The following BMERB1 variants were observed in gnomAD, a reference collection of about 807,000 sequenced individuals.
The protein encoded by BMERB1 is bMERB domain-containing protein 1.
BMERB1 carries 12 observed loss-of-function variants against 23.6 expected under a neutral mutation model. The observed-to-expected ratio is 0.51, with a 90% confidence interval of 0.33 to 0.82. The LOEUF (loss-of-function observed/expected upper bound fraction) is 0.82. BMERB1 is among the 40% of genes least tolerant of loss of function. The pLI, the probability that BMERB1 is intolerant of heterozygous loss-of-function variation, is 0.03. For synonymous variants in BMERB1, 122 were observed against 96.6 expected (o/e 1.26, Z -1.54); for missense variants, 247 against 255.4 (o/e 0.97, Z 0.22).
intron 1 of BMERB1, among the ~76,000 whole-genome samples, chr16:15,464,530 A>G (rs529723333): frequency 1.3e-5 from 2 of 152,250 alleles, no homozygotes; most frequent in Non-Finnish European, 2.9e-5. Context: ...CTGCTGGTTG[A>G]CAATTCTTGT....
At chr16:15,530,929 C>T (rs1439599011) in intron 2 of BMERB1, among the ~76,000 whole-genome samples, 4 of 120,118 alleles carry the variant, frequency 3.3e-5, no homozygotes, top group Admixed American at 2.0e-4. Context: ...TTTTTTGAGA[C>T]GGAGTCTCGC....
intron 5 of BMERB1, among the ~76,000 whole-genome samples, chr16:15,586,248 A>G (rs2031136369): frequency 6.6e-6 from 1 of 152,332 alleles, no homozygotes; most frequent in South Asian, 2.1e-4. Context: ...AGAAGGTCCA[A>G]CTTACATGTG....
intron 2 of BMERB1, among the ~76,000 whole-genome samples, chr16:15,517,498 G>C (rs1218927177): frequency 6.6e-6 from 1 of 151,806 alleles, no homozygotes; most frequent in East Asian, 1.9e-4. Context: ...GCAACAGAGA[G>C]AAACTATCCC....
intron 1 of BMERB1, among the ~76,000 whole-genome samples, chr16:15,512,489 A>G (rs1356911269): frequency 2.6e-5 from 4 of 152,318 alleles, no homozygotes; most frequent in African/African-American, 9.6e-5. Context: ...ACCTGTAAGT[A>G]ATCCCAGCAT....
intron 1 of BMERB1, among the ~76,000 whole-genome samples, chr16:15,463,027 A>G (rs1275897854): frequency 6.6e-6 from 1 of 152,136 alleles, no homozygotes; most frequent in African/African-American, 2.4e-5. Flanking sequence ...TTCCATTTAT[A>G]TAAAGTGCAG....
At position 15,480,810 on chromosome 16, in the gene BMERB1, C is replaced by T. The variant is rs374598134; in HGVS notation, c.107-34495C>T. On this transcript the variant is annotated intron_variant, in intron 1 of 5. Coordinates refer to ENST00000300006, the MANE Select transcript of BMERB1 (RefSeq NM_033201.3). ...TCTATTTTTGGTAGAGATGGGTTTT[C>T]ACCATGTTGGCCAGGATGGTTTCGA... Among the ~76,000 whole-genome samples the T allele has an allele frequency of 3.3e-5, 5 of 151,860 alleles. 1 individual carries two copies. Among genetic ancestry groups the T allele is most frequent in the East Asian group, 3.9e-4 (2 of 5,132 alleles).
chr16:15,482,412 A>T (rs985060483), intron 1 of BMERB1, among the ~76,000 whole-genome samples: 6 of 152,118 alleles, frequency 3.9e-5, no homozygotes, highest in African/African-American at 1.4e-4. Flanking sequence ...AAGTGAGAAA[A>T]CATCCTAGTG....
At chr16:15,448,449 A>G (rs2051010426) in intron 1 of BMERB1, among the ~76,000 whole-genome samples, 1 of 152,154 alleles carries the variant, frequency 6.6e-6, no homozygotes, top group Non-Finnish European at 1.5e-5. Flanking sequence ...AGTGCTCTCA[A>G]TGTGATAGGC....
At chr16:15,534,828 C>T (rs947297848) in intron 2 of BMERB1, among the ~76,000 whole-genome samples, 3 of 152,142 alleles carry the variant, frequency 2.0e-5, no homozygotes, top group Non-Finnish European at 4.4e-5. Flanking sequence ...TTGCCCTCTT[C>T]TAAGAAGCCA....
intron 2 of BMERB1, among the ~76,000 whole-genome samples, chr16:15,541,715 C>G (rs2052083541): frequency 6.6e-6 from 1 of 150,698 alleles, no homozygotes; most frequent in African/African-American, 2.4e-5. Context: ...CATTCTCCTG[C>G]CTCAGCCTCC....
Position 15,551,722 on chromosome 16 carries a change from A to C in BMERB1, c.231-16261A>C, listed in dbSNP as rs116882382. Among the ~76,000 whole-genome samples, 3 of 152,294 alleles carry C rather than the reference A, an allele frequency of 2.0e-5. No individual in the cohort carries two copies. In the South Asian group the frequency reaches 6.2e-4, roughly 32 times the overall value. ...GACTGGGTCATTTATAAAGGAAAGA[A>C]GTTTAATTGACTCACAGTTCTGCAT... On this transcript the variant is annotated intron_variant, in intron 2 of 5. Transcript: ENST00000300006.
At chr16:15,555,155 G>A (rs765392162) in intron 2 of BMERB1, among the ~76,000 whole-genome samples, 2 of 152,138 alleles carry the variant, frequency 1.3e-5, no homozygotes, top group East Asian at 3.9e-4. Flanking sequence ...GCTCACCCAG[G>A]AGCTCAACCT....
At chr16:15,503,890 GCTCAGGTC>G (rs1344886144) in intron 1 of BMERB1, among the ~76,000 whole-genome samples, 1 of 152,206 alleles carries the variant, frequency 6.6e-6, no homozygotes, top group African/African-American at 2.4e-5. Flanking sequence ...CTTGCTAGAA[GCTCAGGTC>G]CACAAGGGCA....
Position 15,586,763 on chromosome 16 carries a change from G to C in BMERB1, c.549G>C (p.Thr183=), listed in dbSNP as rs150243763. Residue 183 remains threonine, a synonymous_variant, in exon 6 of 6, where the codon ACG becomes ACC. Coordinates refer to ENST00000300006, the MANE Select transcript of BMERB1 (RefSeq NM_033201.3). ...CAGAGCCCCCACCTAGCAAGCCCACGGTGGCCAAGACGGGGCTGGCACTGA... is the reference window on the plus strand; with the variant it reads ...CAGAGCCCCCACCTAGCAAGCCCACCGTGGCCAAGACGGGGCTGGCACTGA... The part of the protein sequence containing the change: ...KKAEPPPSKP[T]VAKTGLALIK... 3 of 1,612,668 alleles carry C rather than the reference G, an allele frequency of 1.9e-6. No homozygotes were observed. Among genetic ancestry groups the C allele is most frequent in the South Asian group, 1.1e-5 (1 of 90,552 alleles).
chr16:15,529,883 A>G (rs532158210), intron 2 of BMERB1, among the ~76,000 whole-genome samples: 5 of 152,318 alleles, frequency 3.3e-5, no homozygotes, highest in African/African-American at 9.6e-5. Context: ...AAACAGCTGC[A>G]AATGTGTTAA....
At position 15,581,265 on chromosome 16, in the gene BMERB1, A is replaced by G. The variant is rs2031007158; in HGVS notation, c.353A>G (p.Gln118Arg). 1.2e-6 allele frequency: 2 copies of G among 1,614,098 alleles called. No individual in the cohort carries two copies. Among genetic ancestry groups the G allele is most frequent in the Non-Finnish European group, 1.7e-6 (2 of 1,179,996 alleles). ...AAGCAGAGAGAGGATGAGCTAATCC[A>G]GAAGATCCACAAACTGGTGCAGAAG... ...LQKQREDELI[Q>R]KIHKLVQKRD... The change falls in exon 4 of 6, where the codon CAG (glutamine) becomes CGG (arginine). Residue 118 changes from glutamine (Q) to arginine (R), a missense_variant. Physicochemically the swap from Gln to Arg is conservative, Grantham distance 43 (BLOSUM62 1). Coordinates refer to ENST00000300006, the MANE Select transcript of BMERB1 (RefSeq NM_033201.3).
intron 2 of BMERB1, among the ~76,000 whole-genome samples, chr16:15,534,286 CAAAA>C (rs1168488547): frequency 1.3e-3 from 54 of 41,972 alleles, no homozygotes; most frequent in African/African-American, 6.2e-3. Flanking sequence ...TTTTTAATTG[CAAAA>C]AAAAAAAAAA....
chr16:15,566,026 T>C (rs942772114), intron 2 of BMERB1, among the ~76,000 whole-genome samples: 1 of 149,966 alleles, frequency 6.7e-6, no homozygotes, highest in African/African-American at 2.5e-5. Flanking sequence ...GAAGAAGCCT[T>C]AGAGGAACTG....
At chr16:15,547,259 G>T (rs72770186) in intron 2 of BMERB1, among the ~76,000 whole-genome samples, 11 of 150,196 alleles carry the variant, frequency 7.3e-5, no homozygotes, top group African/African-American at 2.7e-4. Context: ...TGATTCACCC[G>T]CCTCTGCCTT....
Sources: gnomAD v4.1 joint callset for allele counts (sites outside exome capture counted in the v4.1 genomes callset) on GRCh38, gnomAD v4.1.1 for gene constraint, MANE v1.5 for transcripts, NCBI Gene and HGNC (gene_info 2026-07-23, HGNC 2026-07-21) for gene names.